MPP3: variants seen among roughly 807,000 people sequenced by gnomAD.
The protein encoded by MPP3 is MAGUK p55 scaffold protein 3.
MPP3 carries 48 observed loss-of-function variants against 80.7 expected under a neutral mutation model. The ratio of observed to expected loss-of-function variants is 0.59; its 90% CI spans 0.47 to 0.76. MPP3 has a LOEUF of 0.76. Among genes scored for constraint, MPP3 ranks in the 30% least tolerant of loss-of-function variants. MPP3 has a pLI of 0.00. For missense variants in MPP3, 620 were observed against 763.0 expected, an observed-to-expected ratio of 0.81 and a Z score of 2.21; for synonymous variants, 311 against 297.6, an observed-to-expected ratio of 1.04 and a Z score of -0.46.
At position 43,801,408 on chromosome 17, in the gene MPP3, G is replaced by A. The variant is rs1171072286; in HGVS notation, c.*293C>T. ...CCACTACCACCCACAAAAGACAGTG[G>A]CTACTTAACTTTGGTACAAAGAATC... On this transcript the variant is annotated 3_prime_UTR_variant, in exon 20 of 20. Transcript: ENST00000398389. The A allele has an allele frequency of 5.5e-6, 2 of 360,710 alleles. No individual in the cohort carries two copies. The highest frequency in any genetic ancestry group is 4.3e-5 in the African/African-American group (2 of 46,786). The allele number at this position is 360,710 out of a possible 1,614,324, so 22.3% of individuals were successfully genotyped here.
intron 12 of MPP3, 111 bp from the exon 13 acceptor site, chr17:43,816,808 T>C (rs2045165591): frequency 1.0e-6 from 1 of 968,542 alleles, no homozygotes; most frequent in East Asian, 2.6e-5. Flanking sequence ...ATCTGGCCTC[T>C]TTCCCTTTCC....
rs746569637 is a variant in MPP3, at chr17:43,811,129, G to A, written c.1332C>T (p.Ala444=). ...YHFVSKQAFE[A]DLHHNKFLEH... ...CAACGTACTTGTTGTGATGTAAGTC[G>A]GCCTCAAATGCTTGCTTAGACACAA... Residue 444 remains alanine (A), a synonymous_variant, in exon 17 of 20, where the codon GCC becomes GCT. Coordinates refer to ENST00000398389, the MANE Select transcript of MPP3 (RefSeq NM_001932.6). 11 of 1,614,036 alleles carry A rather than the reference G, an allele frequency of 6.8e-6. No individual in the cohort carries two copies. Among genetic ancestry groups the A allele is most frequent in the Middle Eastern group, 1.6e-4 (1 of 6,062 alleles).
chr17:43,804,369 G>A (rs1026530499), intron 19 of MPP3, among the ~76,000 whole-genome samples: 14 of 152,198 alleles, frequency 9.2e-5, no homozygotes, highest in South Asian at 8.3e-4. Context: ...GAATGGGACT[G>A]AGACTCCAGA....
intron 17 of MPP3, 83 bp from the exon 18 acceptor site, chr17:43,810,998 C>A: frequency 7.0e-7 from 1 of 1,427,852 alleles, no homozygotes; most frequent in Admixed American, 1.7e-5. Flanking sequence ...CCCAACATGA[C>A]TTCTCTCCCG....
In MPP3 at chr17:43,829,861, G is replaced by A. The variant is rs2045881333; in HGVS notation, c.304-70C>T. 5.0e-6 allele frequency: 8 copies of A among 1,604,036 alleles called. No individual in the cohort carries two copies. In the East Asian group the frequency reaches 6.7e-5, roughly 13 times the overall value. Reference sequence around the variant, plus strand: ...AGGGTCAGCAGGCCGCAGCTGGCCGGTGGTATGGAGGGTGGCAGACGCCAT... The same window carrying A: ...AGGGTCAGCAGGCCGCAGCTGGCCGATGGTATGGAGGGTGGCAGACGCCAT... On this transcript the variant is annotated intron_variant, in intron 6 of 19. Coordinates refer to ENST00000398389, the MANE Select transcript of MPP3 (RefSeq NM_001932.6).
chr17:43,807,276 C>A (rs1201790455), intron 19 of MPP3, among the ~76,000 whole-genome samples: 5 of 151,266 alleles, frequency 3.3e-5, no homozygotes, highest in Non-Finnish European at 5.9e-5. Flanking sequence ...CCAGCCTCCC[C>A]CTTAGAGTTT....
chr17:43,832,087 G>A (rs780329659), intron 2 of MPP3, 144 bp from the exon 3 acceptor site: 1 of 660,478 alleles, frequency 1.5e-6, no homozygotes, highest in Non-Finnish European at 2.7e-6. Context: ...TTTTTTCAGA[G>A]AGGAAGGAAA....
At chr17:43,808,871 T>G (rs1214615132) in intron 19 of MPP3, 85 bp downstream of exon 19, 6 of 1,459,734 alleles carry the variant, frequency 4.1e-6, no homozygotes, top group African/African-American at 2.9e-5. Context: ...CCTCTTCAGC[T>G]GCAAGCACCC....
intron 4 of MPP3, 55 bp from the exon 5 acceptor site, chr17:43,831,376 G>A: frequency 6.4e-7 from 1 of 1,567,230 alleles, no homozygotes; most frequent in African/African-American, 1.3e-5. Flanking sequence ...CCCACCCACG[G>A]CTGTGGGGAC....
chr17:43,822,585 C>G (rs973042766), intron 10 of MPP3, among the ~76,000 whole-genome samples: 7 of 149,102 alleles, frequency 4.7e-5, no homozygotes, highest in African/African-American at 1.7e-4. Flanking sequence ...TACCAGGCCT[C>G]CCTGCCTCCA....
At position 43,804,785 on chromosome 17, in the gene MPP3, G is replaced by A. The variant is rs144120105; in HGVS notation, c.1582-2908C>T. On this transcript the variant is annotated intron_variant, in intron 19 of 19. Coordinates refer to ENST00000398389, the MANE Select transcript of MPP3 (RefSeq NM_001932.6). ...GCCTCCCAGCACTTTGGGAGGCCGA[G>A]GCAGGTGGATCACCCAGGTCAGGAG... 6.0e-3 allele frequency among the ~76,000 whole-genome samples: 918 copies of A among 152,328 alleles called. 12 individuals are homozygous for A. Among genetic ancestry groups the A allele is most frequent in the African/African-American group, 0.021 (869 of 41,580 alleles).
At chr17:43,814,557 A>T (rs2045024782) in intron 14 of MPP3, 196 bp from the exon 15 acceptor site, 1 of 516,564 alleles carries the variant, frequency 1.9e-6, no homozygotes, top group Non-Finnish European at 3.4e-6. Context: ...CTGCATTCAC[A>T]AACTAGGGCT....
intron 9 of MPP3, chr17:43,825,436 A>T: frequency 3.8e-6 from 1 of 261,104 alleles, no homozygotes; most frequent in Non-Finnish European, 7.4e-6. Flanking sequence ...CCAAGGTTGC[A>T]CAGCTGGAAG....
At chr17:43,829,450 G>C (rs1216297165) in intron 7 of MPP3, among the ~76,000 whole-genome samples, 1 of 152,202 alleles carries the variant, frequency 6.6e-6, no homozygotes, top group Non-Finnish European at 1.5e-5. Flanking sequence ...TACACAAAGG[G>C]TGTTGGCCAC....
chr17:43,820,969 C>T lies in MPP3; in HGVS notation c.774G>A (p.Gln258=). 1.9e-6 allele frequency: 3 copies of T among 1,613,432 alleles called. No individual in the cohort carries two copies. The highest frequency in any genetic ancestry group is 2.5e-6 in the Non-Finnish European group (3 of 1,179,920). ...QEAGLPFQRR[Q]VLEVVSQDDP... ...CGTCCTGGCTCACCACCTCCAGGAC[C>T]TGCCTGCGCTGGAAGGGCAGGCCCG... Residue 258 remains glutamine (Q), a synonymous_variant, in exon 11 of 20, where the codon CAG becomes CAA. Transcript: ENST00000398389.
intron 19 of MPP3, among the ~76,000 whole-genome samples, chr17:43,807,518 C>G (rs1779967164): frequency 6.6e-6 from 1 of 151,818 alleles, no homozygotes; most frequent in East Asian, 2.0e-4. Context: ...TGGGGTTTCA[C>G]CAAGTTGCCC....
At chr17:43,815,761 T>G in intron 14 of MPP3, 1 of 653,580 alleles carries the variant, frequency 1.5e-6, no homozygotes, top group Non-Finnish European at 2.8e-6. Flanking sequence ...ATTGCAATGA[T>G]GGTGATAATA....
In MPP3 at chr17:43,821,047, G is replaced by A. The variant is rs761792435; in HGVS notation, c.696C>T (p.Arg232=). 45 of 1,613,718 alleles carry A rather than the reference G, an allele frequency of 2.8e-5. No individual in the cohort carries two copies. The highest frequency in any genetic ancestry group is 5.3e-5 in the African/African-American group (4 of 74,926). ...DRLKESKVFM[R]ALFHYNPRED... Reference sequence around the variant, plus strand: ...CCCGAGGGTTGTAGTGGAAGAGGGCGCGCATGAACACCTGCACAAGGAGGG... The same window carrying A: ...CCCGAGGGTTGTAGTGGAAGAGGGCACGCATGAACACCTGCACAAGGAGGG... Residue 232 remains arginine, a synonymous_variant, in exon 11 of 20, where the codon CGC becomes CGT. Coordinates refer to ENST00000398389, the MANE Select transcript of MPP3 (RefSeq NM_001932.6).
Position 43,801,640 on chromosome 17 carries a change from G to T in MPP3, c.*61C>A. On this transcript the variant is annotated 3_prime_UTR_variant, in exon 20 of 20. Coordinates refer to ENST00000398389, the MANE Select transcript of MPP3 (RefSeq NM_001932.6). ...GCTTGAGATTCCTTGATGGTAAAAT[G>T]AGGGAGTCTGGACTAGATGATCTTC... The T allele has an allele frequency of 6.7e-7, 1 of 1,490,670 alleles. No homozygotes were observed. Among genetic ancestry groups the T allele is most frequent in the Non-Finnish European group, 9.3e-7 (1 of 1,078,620 alleles). 92.3% of individuals were successfully genotyped at this position (1,490,670 alleles called of 1,614,324 possible). A position where few individuals can be genotyped will look rare whatever the true frequency, so the allele number is the denominator to read the frequency against.
Sources: gnomAD v4.1 joint callset for allele counts (sites outside exome capture counted in the v4.1 genomes callset) on GRCh38, gnomAD v4.1.1 for gene constraint, MANE v1.5 for transcripts, NCBI Gene and HGNC (gene_info 2026-07-23, HGNC 2026-07-21) for gene names.